The following BCL2L13 variants were observed in gnomAD, a reference collection of about 807,000 sequenced individuals.
BCL2L13 encodes the protein bcl-2-like protein 13.
A neutral mutation model predicts 25.8 loss-of-function variants in BCL2L13; 13 were observed. The observed-to-expected ratio is 0.50, with a 90% CI of 0.33 to 0.80. The LOEUF (loss-of-function observed/expected upper bound fraction) is 0.80, where lower values mean the gene tolerates loss of function less well. Ranked by LOEUF, BCL2L13 falls within the 30% of genes least tolerant of loss-of-function variation. The probability of loss-of-function intolerance (pLI) is 0.02; values close to 1 mark genes in which losing one functional copy is unlikely to be tolerated. For missense variants in BCL2L13, 504 were observed against 574.9 expected (o/e 0.88, Z 1.26); for synonymous variants, 244 against 230.3 (o/e 1.06, Z -0.54).
intron 1 of BCL2L13, among the ~76,000 whole-genome samples, chr22:17,641,047 C>T (rs1395996337): frequency 6.6e-6 from 1 of 151,816 alleles, no homozygotes; most frequent in Non-Finnish European, 1.5e-5. Flanking sequence ...CCCGCCACCG[C>T]GACAGGCTAA....
intron 2 of BCL2L13, among the ~76,000 whole-genome samples, chr22:17,665,176 A>G (rs1367376306): frequency 6.6e-6 from 1 of 152,166 alleles, no homozygotes; most frequent in Non-Finnish European, 1.5e-5. Flanking sequence ...ACCCTAAATC[A>G]TCTGTCTCAG....
intron 1 of BCL2L13, among the ~76,000 whole-genome samples, chr22:17,631,688 A>T (rs1248950024): frequency 4.2e-5 from 2 of 48,118 alleles, no homozygotes; most frequent in African/African-American, 1.4e-4. Flanking sequence ...ATATATATAT[A>T]TATATATATA....
At chr22:17,718,601 T>C (rs1476882124) in intron 6 of BCL2L13, among the ~76,000 whole-genome samples, 2 of 152,050 alleles carry the variant, frequency 1.3e-5, no homozygotes, top group Non-Finnish European at 2.9e-5. Flanking sequence ...AGAGATGAAA[T>C]CCCGTAAGAT....
chr22:17,683,393 A>G, intron 3 of BCL2L13, 72 bp downstream of exon 3: 2 of 862,162 alleles, frequency 2.3e-6, no homozygotes, highest in East Asian at 2.7e-5. Flanking sequence ...GTTTAATTTG[A>G]TTTTTACAGT....
chr22:17,700,672 A>T (rs2060406668), intron 5 of BCL2L13, among the ~76,000 whole-genome samples: 1 of 152,170 alleles, frequency 6.6e-6, no homozygotes, highest in Non-Finnish European at 1.5e-5. Flanking sequence ...AAGTTTTCTT[A>T]TTGAGGAAAT....
intron 4 of BCL2L13, among the ~76,000 whole-genome samples, chr22:17,693,371 T>TGTTTG (rs1568981810): frequency 3.6e-5 from 3 of 83,206 alleles, no homozygotes; most frequent in African/African-American, 1.3e-4. Flanking sequence ...ATTTAGTGTT[T>TGTTTG]GTTTTTTTTT....
At chr22:17,712,186 T>A (rs1387392220) in intron 6 of BCL2L13, among the ~76,000 whole-genome samples, 1 of 152,234 alleles carries the variant, frequency 6.6e-6, no homozygotes, top group East Asian at 1.9e-4. Context: ...ATGGTGAGAC[T>A]GTGACAGATT....
chr22:17,658,712 A>T (rs1404889894), intron 2 of BCL2L13, among the ~76,000 whole-genome samples: 2 of 150,782 alleles, frequency 1.3e-5, no homozygotes, highest in African/African-American at 2.4e-5. Flanking sequence ...AAAAAAAAAA[A>T]AATATTTTCT....
intron 1 of BCL2L13, among the ~76,000 whole-genome samples, chr22:17,647,885 T>G (rs1773775196): frequency 6.6e-6 from 1 of 152,128 alleles, no homozygotes; most frequent in African/African-American, 2.4e-5. Flanking sequence ...TCCTAGCACT[T>G]TGGGAGGCCA....
intron 6 of BCL2L13, among the ~76,000 whole-genome samples, chr22:17,724,813 CTG>C (rs1299977645): frequency 6.6e-6 from 1 of 152,232 alleles, no homozygotes; most frequent in Non-Finnish European, 1.5e-5. Context: ...CTGTACATCT[CTG>C]TGACATTCCA....
intron 1 of BCL2L13, among the ~76,000 whole-genome samples, chr22:17,646,246 T>TTTTG (rs1169497669): frequency 2.0e-5 from 3 of 151,606 alleles, no homozygotes; most frequent in Admixed American, 2.0e-4. Flanking sequence ...ATAGCAGGTT[T>TTTTG]TTTGTTTGTT....
At chr22:17,711,442 C>A (rs1209336901) in intron 6 of BCL2L13, among the ~76,000 whole-genome samples, 4 of 151,762 alleles carry the variant, frequency 2.6e-5, no homozygotes, top group Non-Finnish European at 4.4e-5. Context: ...GGACCACAGG[C>A]ATGCACCACC....
chr22:17,696,299 C>A, intron 5 of BCL2L13, 89 bp downstream of exon 5: 1 of 1,068,994 alleles, frequency 9.4e-7, no homozygotes, highest in Non-Finnish European at 1.4e-6. Flanking sequence ...CAGCAGAAAA[C>A]TGTTAGAGCT....
chr22:17,681,164 A>G (rs767888587), intron 2 of BCL2L13, among the ~76,000 whole-genome samples: 1 of 152,122 alleles, frequency 6.6e-6, no homozygotes, highest in African/African-American at 2.4e-5. Context: ...AAAGAGGACT[A>G]TATTATGCAG....
At chr22:17,711,886 T>C (rs2060773108) in intron 6 of BCL2L13, among the ~76,000 whole-genome samples, 3 of 152,174 alleles carry the variant, frequency 2.0e-5, no homozygotes, top group Admixed American at 2.0e-4. Context: ...GAAAACAGAT[T>C]ACAAAACTTG....
intron 6 of BCL2L13, among the ~76,000 whole-genome samples, chr22:17,711,297 G>T (rs1400890997): frequency 9.1e-6 from 1 of 110,068 alleles, no homozygotes; most frequent in South Asian, 2.4e-4. Context: ...ATTTCTTCAT[G>T]ATGGGCCTTT....
intron 4 of BCL2L13, among the ~76,000 whole-genome samples, chr22:17,690,252 G>A (rs1046184656): frequency 6.6e-6 from 1 of 152,032 alleles, no homozygotes; most frequent in Non-Finnish European, 1.5e-5. Flanking sequence ...CTTGAACCCA[G>A]GAGGCGGAGG....
intron 2 of BCL2L13, among the ~76,000 whole-genome samples, chr22:17,669,928 A>G (rs1351090418): frequency 6.6e-6 from 1 of 152,276 alleles, no homozygotes; most frequent in Middle Eastern, 3.4e-3. Context: ...TTTATAAACT[A>G]TCCAGTTTCA....
intron 6 of BCL2L13, among the ~76,000 whole-genome samples, chr22:17,720,377 A>T (rs952603936): frequency 6.6e-6 from 1 of 151,910 alleles, no homozygotes; most frequent in African/African-American, 2.4e-5. Context: ...TTTTTTTGAG[A>T]TGGAGTTTCA....
Sources: gnomAD v4.1 joint callset for allele counts (sites outside exome capture counted in the v4.1 genomes callset) on GRCh38, gnomAD v4.1.1 for gene constraint, MANE v1.5 for transcripts, NCBI Gene and HGNC (gene_info 2026-07-23, HGNC 2026-07-21) for gene names.